TRPA1: variants seen among roughly 807,000 people sequenced by gnomAD.
TRPA1 encodes the protein ankyrin-like with transmembrane domains 1.
Under a neutral mutation model 131.3 loss-of-function variants are expected in TRPA1, and 129 were observed. The observed-to-expected ratio is 0.98, with a 90% CI of 0.85 to 1.14. TRPA1 has a LOEUF of 1.14. Among genes scored for constraint, TRPA1 ranks in the 50% most tolerant of loss-of-function variants. The pLI is 0.00. For synonymous variants in TRPA1, 441 were observed against 451.7 expected (o/e 0.98, Z 0.30); for missense variants, 1,304 against 1,354.2 (o/e 0.96, Z 0.58).
At chr8:72,080,648 A>T in the TRPA1 span, among the ~76,000 whole-genome samples, 1 of 151,452 alleles carries the variant, frequency 6.6e-6, no homozygotes, top group East Asian at 1.9e-4. Flanking sequence ...TATTGGTATT[A>T]TTTTTTTTAA....
intron 8 of TRPA1, among the ~76,000 whole-genome samples, chr8:72,058,560 G>T (rs113618567): frequency 1.4e-3 from 220 of 152,306 alleles, no homozygotes; most frequent in African/African-American, 5.2e-3. Context: ...AATGGGGGCA[G>T]CATCCCCTTG....
chr8:72,067,295 C>T (rs1050293516), intron 3 of TRPA1, among the ~76,000 whole-genome samples: 4 of 152,072 alleles, frequency 2.6e-5, no homozygotes, highest in Admixed American at 1.3e-4. Context: ...TTCCAAAAAA[C>T]CTTCTCCTCC....
At chr8:72,025,937 T>C (rs930693775) in intron 25 of TRPA1, 23 bp downstream of exon 25, 3 of 1,578,234 alleles carry the variant, frequency 1.9e-6, no homozygotes, top group Admixed American at 3.3e-5. Flanking sequence ...TTACTGATGT[T>C]GTTATTTGTT....
intron 12 of TRPA1, chr8:72,054,250 A>G (rs1805603157): frequency 3.9e-6 from 1 of 258,938 alleles, no homozygotes. Context: ...CACTGTATCA[A>G]AATTTTTTTA....
chr8:72,084,277 T>C, the TRPA1 span, among the ~76,000 whole-genome samples: 3 of 152,300 alleles, frequency 2.0e-5, no homozygotes, highest in African/African-American at 7.2e-5. Flanking sequence ...TATCAATTTT[T>C]AGTTTCCTTG....
chr8:72,074,998 T>C (rs1328122461), intron 1 of TRPA1, among the ~76,000 whole-genome samples: 1 of 152,212 alleles, frequency 6.6e-6, no homozygotes, highest in East Asian at 1.9e-4. Flanking sequence ...CAAATTGTCC[T>C]GATTTTAGGC....
intron 18 of TRPA1, 26 bp from the exon 19 acceptor site, chr8:72,039,053 T>C (rs370707936): frequency 3.2e-5 from 52 of 1,610,476 alleles, no homozygotes; most frequent in Non-Finnish European, 4.2e-5. Context: ...CAAACCAGAA[T>C]TGAGTCATTT....
intron 17 of TRPA1, among the ~76,000 whole-genome samples, chr8:72,043,257 T>G (rs1391497454): frequency 2.0e-5 from 3 of 151,862 alleles, no homozygotes; most frequent in Non-Finnish European, 2.9e-5. Flanking sequence ...GAAACACCCA[T>G]GTTCAAAAAC....
intron 24 of TRPA1, among the ~76,000 whole-genome samples, chr8:72,028,322 C>T (rs550466926): frequency 5.9e-5 from 9 of 152,346 alleles, no homozygotes; most frequent in Admixed American, 2.0e-4. Flanking sequence ...ACCCCCCTAT[C>T]ATCTGCAGCA....
In TRPA1 at chr8:72,052,201, C is replaced by T. The variant is rs532214773; in HGVS notation, c.1811+398G>A. 6.5e-4 allele frequency among the ~76,000 whole-genome samples: 99 copies of T among 152,294 alleles called. No individual in the cohort carries two copies. The Middle Eastern group carries it at 0.017, about 26-fold the overall frequency. Reference sequence around the variant, plus strand: ...CTTTGGGAGGCCGAGGTGGGCGAATCACTTGAGCCCAGGAGTTTGAGACCA... The same window carrying T: ...CTTTGGGAGGCCGAGGTGGGCGAATTACTTGAGCCCAGGAGTTTGAGACCA... On this transcript the variant is annotated intron_variant, in intron 14 of 26. Coordinates refer to ENST00000262209, the MANE Select transcript of TRPA1 (RefSeq NM_007332.3).
intron 7 of TRPA1, among the ~76,000 whole-genome samples, chr8:72,060,013 G>C (rs1179039662): frequency 2.0e-5 from 3 of 152,096 alleles, no homozygotes; most frequent in Non-Finnish European, 4.4e-5. Flanking sequence ...TTAAAGCTTT[G>C]TGTTTCCTAT....
chr8:72,072,269 C>A (rs189042365), intron 1 of TRPA1, among the ~76,000 whole-genome samples: 60 of 152,158 alleles, frequency 3.9e-4, no homozygotes, highest in African/African-American at 1.4e-3. Context: ...AAAACTAGAG[C>A]ATTTCTCACT....
intron 8 of TRPA1, 47 bp from the exon 9 acceptor site, chr8:72,057,863 A>T (rs772843703): frequency 7.4e-7 from 1 of 1,357,208 alleles, no homozygotes; most frequent in Non-Finnish European, 1.1e-6. Flanking sequence ...AAACAGATAA[A>T]TCATAATATA....
chr8:72,058,647 T>G (rs1433116657), intron 8 of TRPA1, among the ~76,000 whole-genome samples: 1 of 152,168 alleles, frequency 6.6e-6, no homozygotes, highest in Non-Finnish European at 1.5e-5. Flanking sequence ...CAGGAAACCA[T>G]GCATGACTAT....
chr8:72,081,207 T>A, the TRPA1 span, among the ~76,000 whole-genome samples: 1 of 151,906 alleles, frequency 6.6e-6, no homozygotes, highest in Admixed American at 6.6e-5. Flanking sequence ...TTCATAAATT[T>A]TGATTTGGCG....
At chr8:72,025,862 A>C in intron 25 of TRPA1, 98 bp downstream of exon 25, 1 of 976,192 alleles carries the variant, frequency 1.0e-6, no homozygotes, top group Non-Finnish European at 1.6e-6. Context: ...GGCAGAGAAG[A>C]CTCAAAGTCT....
At chr8:72,064,097 A>G (rs1489542479) in intron 4 of TRPA1, among the ~76,000 whole-genome samples, 2 of 152,090 alleles carry the variant, frequency 1.3e-5, no homozygotes, top group Admixed American at 6.6e-5. Flanking sequence ...TTAAACTACC[A>G]TTCTCTGTAA....
At chr8:72,052,875 A>G (rs1344441905) in intron 13 of TRPA1, 110 bp from the exon 14 acceptor site, 1 of 1,262,796 alleles carries the variant, frequency 7.9e-7, no homozygotes, top group Admixed American at 1.8e-5. Context: ...ACCAAAATAC[A>G]TAGCACTTAA....
chr8:72,038,660 T>G lies in TRPA1; in HGVS notation c.2295+205A>C, dbSNP rs189470357. ...CACATGTCAATTCTTTTTAAATTAG[T>G]TTACAAACTCATTAGTTGACCTGTT... On this transcript the variant is annotated intron_variant, in intron 19 of 26. Transcript: ENST00000262209. 10 of 534,632 alleles carry G rather than the reference T, an allele frequency of 1.9e-5. No individual in the cohort carries two copies. In the African/African-American group the frequency reaches 1.9e-4, roughly 10 times the overall value. 33.1% of individuals were successfully genotyped at this position (534,632 alleles called of 1,614,324 possible). A position where few individuals can be genotyped will look rare whatever the true frequency, so the allele number is the denominator to read the frequency against.
Sources: gnomAD v4.1 joint callset for allele counts (sites outside exome capture counted in the v4.1 genomes callset) on GRCh38, gnomAD v4.1.1 for gene constraint, MANE v1.5 for transcripts, NCBI Gene and HGNC (gene_info 2026-07-23, HGNC 2026-07-21) for gene names.